IL1RAP: variants seen among roughly 807,000 people sequenced by gnomAD.
IL1RAP encodes the protein interleukin 1 receptor accessory protein, also known as interleukin-1 receptor accessory protein.
IL1RAP carries 35 observed loss-of-function variants against 60.7 expected under a neutral mutation model. The observed-to-expected ratio is 0.58, with a 90% CI of 0.44 to 0.76. The LOEUF is 0.76. Ranked by LOEUF, IL1RAP falls within the 30% of genes least tolerant of loss-of-function variation. IL1RAP has a pLI of 0.00. For missense variants in IL1RAP, 572 were observed against 693.9 expected (o/e 0.82, Z 1.97); for synonymous variants, 268 against 250.9 (o/e 1.07, Z -0.64).
chr3:190,590,565 C>T (rs1728860273), intron 3 of IL1RAP, among the ~76,000 whole-genome samples: 1 of 152,180 alleles, frequency 6.6e-6, no homozygotes, highest in South Asian at 2.1e-4. Context: ...CAGGATTCTT[C>T]TTTCCAGGTG....
chr3:190,648,394 C>A lies in IL1RAP; in HGVS notation c.1402C>A (p.Leu468Ile), dbSNP rs1377280784. The A allele has an allele frequency of 6.2e-7, 1 of 1,612,490 alleles. No individual in the cohort carries two copies. Among genetic ancestry groups the A allele is most frequent in the South Asian group, 1.1e-5 (1 of 90,856 alleles). ...GAAAAGCAGACGCCTCCTGGTTGTTCTAAGCCCCAACTACGTGCTCCAGGG... is the reference window on the plus strand; with the variant it reads ...GAAAAGCAGACGCCTCCTGGTTGTTATAAGCCCCAACTACGTGCTCCAGGG... ...IQKSRRLLVVLSPNYVLQGTQ... is the reference protein window; with the variant it reads ...IQKSRRLLVVISPNYVLQGTQ... Residue 468 changes from leucine (L) to isoleucine (I), a missense_variant, in exon 12 of 12, where the codon CTA (leucine) becomes ATA (isoleucine). By Grantham distance (5) the Leu-to-Ile change is conservative. Transcript: ENST00000447382.
chr3:190,559,613 T>C (rs2108614770), intron 2 of IL1RAP, among the ~76,000 whole-genome samples: 1 of 152,312 alleles, frequency 6.6e-6, no homozygotes, highest in South Asian at 2.1e-4. Flanking sequence ...CTAATTTCCC[T>C]TACAACTTTC....
intron 3 of IL1RAP, among the ~76,000 whole-genome samples, chr3:190,573,507 T>C (rs2108654798): frequency 6.6e-6 from 1 of 152,278 alleles, no homozygotes; most frequent in South Asian, 2.1e-4. Context: ...GTTGGAGGAC[T>C]TTCTCCCTCC....
At chr3:190,629,540 A>G in intron 9 of IL1RAP, 42 bp downstream of exon 9, 1 of 1,571,964 alleles carries the variant, frequency 6.4e-7, no homozygotes, top group Non-Finnish European at 8.6e-7. Flanking sequence ...GCTCCAAATT[A>G]ACATTGTGGT....
At chr3:190,637,804 C>T (rs1733341277) in intron 9 of IL1RAP, among the ~76,000 whole-genome samples, 1 of 151,954 alleles carries the variant, frequency 6.6e-6, no homozygotes, top group African/African-American at 2.4e-5. Flanking sequence ...CCAAACAATA[C>T]AACTGTTTTT....
At chr3:190,656,673 A>G in exon 12 of IL1RAP, 2 of 913,490 alleles carry the variant, frequency 2.2e-6, no homozygotes, top group Non-Finnish European at 3.2e-6. Context: ...AACCTGTGGG[A>G]AAATCTGACA....
chr3:190,580,551 G>A (rs1444399590), intron 3 of IL1RAP, among the ~76,000 whole-genome samples: 1 of 152,134 alleles, frequency 6.6e-6, no homozygotes, highest in Non-Finnish European at 1.5e-5. Flanking sequence ...GGCACAGAAG[G>A]ACAGACACTA....
chr3:190,630,373 G>C (rs1732680459), intron 9 of IL1RAP: 1 of 161,960 alleles, frequency 6.2e-6, no homozygotes, highest in African/African-American at 2.9e-5. Context: ...ATGGTCTTGA[G>C]AAAAGTAATG....
chr3:190,630,162 A>G, intron 9 of IL1RAP: 1 of 772,222 alleles, frequency 1.3e-6, no homozygotes, highest in Non-Finnish European at 1.6e-6. Context: ...ACAATTGCTA[A>G]AATGAAAATC....
At chr3:190,591,145 T>C (rs1157244196) in intron 3 of IL1RAP, among the ~76,000 whole-genome samples, 1 of 152,228 alleles carries the variant, frequency 6.6e-6, no homozygotes, top group Non-Finnish European at 1.5e-5. Flanking sequence ...TGGGCTATAC[T>C]CAGTTTGAAA....
intron 1 of IL1RAP, among the ~76,000 whole-genome samples, chr3:190,554,190 T>TTC (rs939309733): frequency 2.0e-5 from 3 of 151,984 alleles, no homozygotes; most frequent in Non-Finnish European, 4.4e-5. Context: ...CTCCTTAGGA[T>TTC]TCTTGTTACA....
intron 3 of IL1RAP, among the ~76,000 whole-genome samples, chr3:190,586,603 T>C (rs1033844972): frequency 1.2e-4 from 18 of 152,344 alleles, no homozygotes; most frequent in African/African-American, 4.3e-4. Flanking sequence ...TGCCTTCCAT[T>C]GTTCTGCTTA....
intron 9 of IL1RAP, among the ~76,000 whole-genome samples, chr3:190,638,523 C>A (rs1733402432): frequency 6.6e-6 from 1 of 152,170 alleles, no homozygotes; most frequent in African/African-American, 2.4e-5. Context: ...TTGTCAGACA[C>A]ATGTTTTGCA....
rs529688079 is a variant in IL1RAP, at chr3:190,522,439, C to G, written c.-89+8220C>G. Among the ~76,000 whole-genome samples, 1,032 of 150,770 alleles carry G rather than the reference C, an allele frequency of 6.8e-3. 18 individuals are homozygous for G. Among genetic ancestry groups the G allele is most frequent in the African/African-American group, 0.022 (898 of 40,658 alleles). On this transcript the variant is annotated intron_variant, in intron 1 of 11. Transcript: ENST00000447382. ...TCTATGTATCTATCTATCTATCTATCTATCTATCTATCTATCTATCTATCT... is the reference window on the plus strand; with the variant it reads ...TCTATGTATCTATCTATCTATCTATGTATCTATCTATCTATCTATCTATCT...
At chr3:190,643,523 G>T (rs1733805722) in intron 9 of IL1RAP, among the ~76,000 whole-genome samples, 1 of 141,454 alleles carries the variant, frequency 7.1e-6, no homozygotes, top group Non-Finnish European at 1.5e-5. Flanking sequence ...AACTGCAAAG[G>T]TGCCTAAAAT....
At chr3:190,609,324 G>GATCTA in intron 5 of IL1RAP, 143 bp downstream of exon 5, 1 of 555,178 alleles carries the variant, frequency 1.8e-6, no homozygotes, top group Non-Finnish European at 3.0e-6. Flanking sequence ...AAGTATTTCA[G>GATCTA]CACGTCCTCA....
intron 4 of IL1RAP, 124 bp from the exon 5 acceptor site, chr3:190,608,871 A>G (rs1489085674): frequency 4.5e-6 from 3 of 659,856 alleles, no homozygotes; most frequent in Non-Finnish European, 7.6e-6. Context: ...TATCTCTTAC[A>G]TGAACTTACA....
chr3:190,526,225 C>T lies in IL1RAP; in HGVS notation c.-89+12006C>T, dbSNP rs145147787. On this transcript the variant is annotated intron_variant, in intron 1 of 11. Coordinates refer to ENST00000447382, the MANE Select transcript of IL1RAP (RefSeq NM_002182.4). The stretch of plus-strand genomic sequence containing the variant: ...TTTCTTTTTGAAGTCTCGGAATAAC[C>T]GTATGTGGCAGGTGAAGTTATAATC... Among the ~76,000 whole-genome samples, 7 of 152,256 alleles carry T rather than the reference C, an allele frequency of 4.6e-5. No individual in the cohort carries two copies. The East Asian group carries it at 7.7e-4, about 17-fold the overall frequency.
At chr3:190,603,928 A>G (rs1462630756) in intron 3 of IL1RAP, among the ~76,000 whole-genome samples, 200 bp from the exon 4 acceptor site, 2 of 152,186 alleles carry the variant, frequency 1.3e-5, no homozygotes, top group Non-Finnish European at 2.9e-5. Flanking sequence ...AGATACTCAG[A>G]AAATAATAAA....
Sources: allele counts gnomAD v4.1 joint callset (sites outside exome capture counted in the v4.1 genomes callset), GRCh38; gene constraint gnomAD v4.1.1; transcripts MANE v1.5; gene names NCBI Gene and HGNC (gene_info 2026-07-23, HGNC 2026-07-21).